ATP6V0E1: variants seen among roughly 807,000 people sequenced by gnomAD.
ATP6V0E1 encodes V-type proton ATPase subunit e 1.
ATP6V0E1 carries 4 observed loss-of-function variants against 11.6 expected under a neutral mutation model. The ratio of observed to expected loss-of-function variants is 0.35; its 90% CI spans 0.17 to 0.79. The LOEUF (loss-of-function observed/expected upper bound fraction) is 0.79. Among genes scored for constraint, ATP6V0E1 ranks in the 30% least tolerant of loss-of-function variants. The probability of loss-of-function intolerance (pLI) is 0.54; values close to 1 mark genes in which losing one functional copy is unlikely to be tolerated. For synonymous variants in ATP6V0E1, 36 were observed against 34.8 expected, an observed-to-expected ratio of 1.04 and a Z score of -0.13; for missense variants, 105 against 100.0, an observed-to-expected ratio of 1.05 and a Z score of -0.21.
At chr5:173,024,488 A>G (rs960449888) in intron 3 of ATP6V0E1, among the ~76,000 whole-genome samples, 19 of 152,138 alleles carry the variant, frequency 1.2e-4, no homozygotes, top group Admixed American at 2.6e-4. Context: ...CTTTCTGGCA[A>G]CATCAAAATG....
At chr5:173,017,425 T>G (rs928342435) in intron 2 of ATP6V0E1, among the ~76,000 whole-genome samples, 3 of 150,662 alleles carry the variant, frequency 2.0e-5, no homozygotes, top group Non-Finnish European at 4.4e-5. Context: ...TCCCAACTAC[T>G]CGGGAGGCTG....
At chr5:172,997,395 A>T (rs1394739883) in intron 2 of ATP6V0E1, among the ~76,000 whole-genome samples, 3 of 146,570 alleles carry the variant, frequency 2.0e-5, no homozygotes, top group Admixed American at 1.3e-4. Context: ...AATGGCTGTT[A>T]AAAAAAAAAT....
intron 2 of ATP6V0E1, among the ~76,000 whole-genome samples, chr5:173,019,497 C>T (rs1200487282): frequency 6.6e-6 from 1 of 151,210 alleles, no homozygotes; most frequent in Non-Finnish European, 1.5e-5. Flanking sequence ...GAGCTTGCAG[C>T]AAGCCGAGAT....
intron 2 of ATP6V0E1, among the ~76,000 whole-genome samples, chr5:173,015,369 G>T (rs1332258986): frequency 1.3e-5 from 2 of 152,174 alleles, no homozygotes; most frequent in Non-Finnish European, 2.9e-5. Flanking sequence ...TCTCCAAAGT[G>T]ACATGTGTCT....
At chr5:173,030,229 A>G (rs1243269435) in intron 3 of ATP6V0E1, among the ~76,000 whole-genome samples, 2 of 152,204 alleles carry the variant, frequency 1.3e-5, no homozygotes, top group Non-Finnish European at 2.9e-5. Context: ...TGTTAAATAC[A>G]TGCTTAACTC....
At chr5:173,001,287 C>T (rs1279055619) in intron 2 of ATP6V0E1, among the ~76,000 whole-genome samples, 2 of 152,086 alleles carry the variant, frequency 1.3e-5, no homozygotes, top group Admixed American at 1.3e-4. Context: ...GCCAGAGAGG[C>T]CCGATCACTC....
chr5:172,996,575 A>T (rs1756070624), intron 2 of ATP6V0E1, among the ~76,000 whole-genome samples: 1 of 147,076 alleles, frequency 6.8e-6, no homozygotes, highest in African/African-American at 2.6e-5. Context: ...AAAAAAAAAA[A>T]TACATACATA....
At chr5:173,012,472 G>A (rs1405889973) in intron 2 of ATP6V0E1, among the ~76,000 whole-genome samples, 3 of 152,052 alleles carry the variant, frequency 2.0e-5, no homozygotes, top group Non-Finnish European at 1.5e-5. Flanking sequence ...TTTAAACGAG[G>A]CCGGGCATGG....
chr5:172,989,330 C>A (rs1038349311), intron 1 of ATP6V0E1, among the ~76,000 whole-genome samples: 1 of 152,012 alleles, frequency 6.6e-6, no homozygotes, highest in Non-Finnish European at 1.5e-5. Context: ...CAGAGTGAGA[C>A]CCCATCCCTT....
chr5:173,032,027 G>A (rs893312796), intron 3 of ATP6V0E1, among the ~76,000 whole-genome samples: 3 of 151,576 alleles, frequency 2.0e-5, no homozygotes, highest in Non-Finnish European at 2.9e-5. Context: ...GGTGGCACAC[G>A]CCTGTAGTCC....
At chr5:173,004,045 C>T (rs927483845) in intron 2 of ATP6V0E1, among the ~76,000 whole-genome samples, 6 of 152,058 alleles carry the variant, frequency 3.9e-5, no homozygotes, top group Non-Finnish European at 8.8e-5. Context: ...TTGAGAAACC[C>T]AGCACTAAGG....
chr5:173,018,888 T>C (rs1266206262), intron 2 of ATP6V0E1, among the ~76,000 whole-genome samples: 1 of 151,586 alleles, frequency 6.6e-6, no homozygotes, highest in South Asian at 2.1e-4. Context: ...TACCGTATCA[T>C]ATATAAGACC....
chr5:173,017,488 C>T (rs1188796998), intron 2 of ATP6V0E1, among the ~76,000 whole-genome samples: 8 of 146,712 alleles, frequency 5.5e-5, no homozygotes, highest in African/African-American at 1.3e-4. Context: ...GAGCCGAGAT[C>T]GTGCCATCGC....
intron 1 of ATP6V0E1, among the ~76,000 whole-genome samples, chr5:172,984,984 C>T (rs1457423935): frequency 3.3e-5 from 5 of 152,204 alleles, no homozygotes; most frequent in Admixed American, 2.6e-4. Context: ...CCGTGGCTCA[C>T]GCCTGTAATC....
At chr5:173,025,324 T>C (rs1455478711) in intron 3 of ATP6V0E1, among the ~76,000 whole-genome samples, 2 of 151,034 alleles carry the variant, frequency 1.3e-5, no homozygotes, top group East Asian at 3.9e-4. Flanking sequence ...TTTGTGTTTT[T>C]AGTAGAGATA....
intron 2 of ATP6V0E1, among the ~76,000 whole-genome samples, chr5:172,995,744 A>G (rs770662922): frequency 6.6e-6 from 1 of 152,112 alleles, no homozygotes; most frequent in Non-Finnish European, 1.5e-5. Context: ...CCTCCCAAGT[A>G]GTTGGGACTA....
chr5:173,011,980 A>AG (rs1206113425), intron 2 of ATP6V0E1, among the ~76,000 whole-genome samples: 1 of 151,634 alleles, frequency 6.6e-6, no homozygotes, highest in Non-Finnish European at 1.5e-5. Context: ...TCAGCGGGTT[A>AG]GGGGGGTAAA....
In ATP6V0E1 at chr5:172,983,885, C is replaced by T; in HGVS notation, c.25C>T (p.Pro9Ser). The T allele has an allele frequency of 1.2e-6, 2 of 1,613,768 alleles. No individual in the cohort carries two copies. Among genetic ancestry groups the T allele is most frequent in the Non-Finnish European group, 1.7e-6 (2 of 1,179,830 alleles). ...CATGGCGTATCACGGCCTCACTGTG[C>T]CTCTCATTGTGATGAGCGTGTTCTG... is the stretch of plus-strand genomic sequence containing the variant. Reference protein sequence around the residue: MAYHGLTVPLIVMSVFWGF... With the variant: MAYHGLTVSLIVMSVFWGF... Residue 9 changes from proline to serine, a missense_variant, in exon 1 of 4, where the codon CCT becomes TCT. By Grantham distance (74) the Pro-to-Ser change is moderately conservative. Transcript: ENST00000519374.
chr5:173,004,733 C>A (rs1175491894), intron 2 of ATP6V0E1, among the ~76,000 whole-genome samples: 3 of 152,152 alleles, frequency 2.0e-5, no homozygotes, highest in Non-Finnish European at 4.4e-5. Context: ...GAACTGGGAC[C>A]TGAAGGCTTT....
Sources: allele counts gnomAD v4.1 joint callset (sites outside exome capture counted in the v4.1 genomes callset), GRCh38; gene constraint gnomAD v4.1.1; transcripts MANE v1.5; gene names NCBI Gene and HGNC (gene_info 2026-07-23, HGNC 2026-07-21).